The following KLF7 variants were observed in gnomAD, a reference collection of about 807,000 sequenced individuals.
KLF7 encodes the protein KLF transcription factor 7, also known as Krueppel-like factor 7.
In KLF7, 2 loss-of-function variants were observed where a neutral mutation model predicts 27.3. The observed-to-expected ratio is 0.07, with a 90% confidence interval of 0.03 to 0.23. KLF7 has a LOEUF of 0.23. KLF7 is among the 10% of genes least tolerant of loss of function. The pLI is 1.00. For synonymous variants in KLF7, 165 were observed against 162.4 expected, an observed-to-expected ratio of 1.02 and a Z score of -0.12; for missense variants, 221 against 394.1, an observed-to-expected ratio of 0.56 and a Z score of 3.72.
At chr2:207,133,507 G>A (rs2077694882) in intron 1 of KLF7, among the ~76,000 whole-genome samples, 1 of 152,212 alleles carries the variant, frequency 6.6e-6, no homozygotes, top group Non-Finnish European at 1.5e-5. Context: ...CGTGGGAGGA[G>A]GCCTCTTTTC....
chr2:207,136,438 T>C (rs963065348), intron 1 of KLF7, among the ~76,000 whole-genome samples: 2 of 146,500 alleles, frequency 1.4e-5, no homozygotes, highest in Admixed American at 1.4e-4. Context: ...CCCAGGTCAC[T>C]GCACATCTGT....
intron 2 of KLF7, among the ~76,000 whole-genome samples, chr2:207,110,545 G>C (rs1337683614): frequency 1.3e-5 from 2 of 152,176 alleles, no homozygotes; most frequent in African/African-American, 4.8e-5. Flanking sequence ...TACCAGCCTG[G>C]CAGCTGATGT....
intron 2 of KLF7, among the ~76,000 whole-genome samples, chr2:207,099,548 TGC>T (rs2076707841): frequency 8.2e-5 from 2 of 24,330 alleles, no homozygotes; most frequent in South Asian, 8.3e-4. Flanking sequence ...CTGCTACATA[TGC>T]GATATATATA....
At chr2:207,105,034 T>TA (rs1321593443) in intron 2 of KLF7, among the ~76,000 whole-genome samples, 1 of 152,150 alleles carries the variant, frequency 6.6e-6, no homozygotes, top group Non-Finnish European at 1.5e-5. Context: ...TACTAGAACT[T>TA]AGTGTGGGTA....
At position 207,078,918 on chromosome 2, in the gene KLF7, G is replaced by A. The variant is rs1371398479; in HGVS notation, c.*2295C>T. On this transcript the variant is annotated 3_prime_UTR_variant, in exon 4 of 4. Transcript: ENST00000309446. ...AGAAATTGTTTTTAAGTCATGTCTAGTTTTAAATCTTTGGAATAAAACTGA... is the reference window on the plus strand; with the variant it reads ...AGAAATTGTTTTTAAGTCATGTCTAATTTTAAATCTTTGGAATAAAACTGA... 6.6e-6 allele frequency: 1 copy of A among 152,182 alleles called. No homozygotes were observed. The highest frequency in any genetic ancestry group is 1.5e-5 in the Non-Finnish European group (1 of 68,038). The allele number at this position is 152,182 out of a possible 1,614,324, so 9.4% of individuals were successfully genotyped here.
chr2:207,124,526 T>A, intron 1 of KLF7, 122 bp from the exon 2 acceptor site: 1 of 953,680 alleles, frequency 1.0e-6, no homozygotes. Context: ...GTATCAGAAA[T>A]GCCTTAGTAG....
At chr2:207,082,675 C>CT (rs1269437609) in intron 3 of KLF7, among the ~76,000 whole-genome samples, 1 of 152,170 alleles carries the variant, frequency 6.6e-6, no homozygotes, top group Non-Finnish European at 1.5e-5. Context: ...TCGCCTGAAA[C>CT]TAGCTGCTTT....
intron 2 of KLF7, among the ~76,000 whole-genome samples, chr2:207,119,167 A>C (rs925072481): frequency 6.6e-6 from 1 of 152,224 alleles, no homozygotes; most frequent in Non-Finnish European, 1.5e-5. Flanking sequence ...ACGTTCAGAG[A>C]ACATGGCTTC....
intron 1 of KLF7, among the ~76,000 whole-genome samples, chr2:207,132,568 G>A (rs1328284175): frequency 1.3e-5 from 2 of 152,212 alleles, no homozygotes; most frequent in African/African-American, 4.8e-5. Context: ...CAAGATTAAA[G>A]GCCTGGGGAG....
At chr2:207,144,812 C>CGT (rs2078051086) in intron 1 of KLF7, among the ~76,000 whole-genome samples, 1 of 152,052 alleles carries the variant, frequency 6.6e-6, no homozygotes, top group South Asian at 2.1e-4. Flanking sequence ...TTTATGAAGT[C>CGT]GTGGTTGGCT....
chr2:207,128,955 G>T (rs2077550811), intron 1 of KLF7, among the ~76,000 whole-genome samples: 1 of 151,116 alleles, frequency 6.6e-6, no homozygotes, highest in African/African-American at 2.5e-5. Flanking sequence ...TAATTCAAAG[G>T]AAGTGTTTAG....
intron 1 of KLF7, among the ~76,000 whole-genome samples, chr2:207,129,542 C>T (rs1005810314): frequency 7.2e-5 from 11 of 152,186 alleles, no homozygotes; most frequent in African/African-American, 2.7e-4. Flanking sequence ...ATAAATATCA[C>T]CTGAAATTCA....
At chr2:207,157,219 T>TAAAAAAAAAAAAAAAAAAAAAAGA (rs2078411279) in intron 1 of KLF7, among the ~76,000 whole-genome samples, 1 of 87,314 alleles carries the variant, frequency 1.1e-5, no homozygotes, top group African/African-American at 4.3e-5. Flanking sequence ...AACAGAAAAG[T>TAAAAAAAAAAAAAAAAAAAAAAGA]AAAAAAAAAA....
Position 207,118,812 on chromosome 2 carries a change from T to A in KLF7, c.733+4962A>T, listed in dbSNP as rs139062025. 4.6e-5 allele frequency among the ~76,000 whole-genome samples: 7 copies of A among 152,386 alleles called. No individual in the cohort carries two copies. The East Asian group carries it at 1.3e-3, about 29-fold the overall frequency. On this transcript the variant is annotated intron_variant, in intron 2 of 3. Coordinates refer to ENST00000309446, the MANE Select transcript of KLF7 (RefSeq NM_003709.4). ...GTTGAATAAGTAAAATAAACTGTAT[T>A]TCAAACTTTAAAGGCCTTTCATTAC...
intron 3 of KLF7, among the ~76,000 whole-genome samples, chr2:207,087,698 C>T (rs1379403221): frequency 6.6e-6 from 1 of 152,134 alleles, no homozygotes; most frequent in Non-Finnish European, 1.5e-5. Flanking sequence ...CAGATGCAAG[C>T]CCATTATTTG....
At chr2:207,111,986 T>C (rs770440713) in intron 2 of KLF7, among the ~76,000 whole-genome samples, 12 of 151,848 alleles carry the variant, frequency 7.9e-5, no homozygotes, top group Non-Finnish European at 1.8e-4. Flanking sequence ...TTAAGTCAAA[T>C]AGGGACTATG....
In KLF7 at chr2:207,149,261, C is replaced by T. The variant is rs534358596; in HGVS notation, c.102+16206G>A. On this transcript the variant is annotated intron_variant, in intron 1 of 3. Transcript: ENST00000309446. ...CACCCCCACTCAGCGCTGTCACTCT[C>T]TCTCCAGGAGGCTCTGCCTTTGTCT... The T allele has an allele frequency of 5.9e-5, 45 of 765,816 alleles. No individual in the cohort carries two copies. The African/African-American group carries it at 7.8e-4, about 13-fold the overall frequency. The allele number at this position is 765,816 out of a possible 1,614,324, so 47.4% of individuals were successfully genotyped here. A position where few individuals can be genotyped will look rare whatever the true frequency, so the allele number is the denominator to read the frequency against.
chr2:207,148,070 G>T (rs1383584804), intron 1 of KLF7, among the ~76,000 whole-genome samples: 2 of 152,056 alleles, frequency 1.3e-5, no homozygotes, highest in Non-Finnish European at 2.9e-5. Context: ...ACAGAGAAAG[G>T]TATGGCTCTC....
intron 1 of KLF7, 73 bp downstream of exon 1, chr2:207,165,394 G>C: frequency 6.2e-7 from 1 of 1,603,100 alleles, no homozygotes; most frequent in Non-Finnish European, 8.5e-7. Flanking sequence ...TTTCAACCCA[G>C]AGCCCACACC....
Sources: gnomAD v4.1 joint callset for allele counts (sites outside exome capture counted in the v4.1 genomes callset) on GRCh38, gnomAD v4.1.1 for gene constraint, MANE v1.5 for transcripts, NCBI Gene and HGNC (gene_info 2026-07-23, HGNC 2026-07-21) for gene names.